Variants in ROBO2 observed in about 807,000 individuals in gnomAD.
ROBO2 encodes the protein roundabout homolog 2.
Under a neutral mutation model 160.8 loss-of-function variants are expected in ROBO2, and 53 were observed. The ratio of observed to expected loss-of-function variants is 0.33; its 90% CI spans 0.26 to 0.41. ROBO2 has a LOEUF of 0.41. Ranked by LOEUF, ROBO2 falls within the 10% of genes least tolerant of loss-of-function variation. ROBO2 has a pLI of 1.00. For synonymous variants in ROBO2, 664 were observed against 611.7 expected (o/e 1.09, Z -1.26); for missense variants, 1,577 against 1,722.4 (o/e 0.92, Z 1.49).
chr3:76,605,756 T>C (rs2087600842), intron 2 of ROBO2, among the ~76,000 whole-genome samples: 1 of 152,160 alleles, frequency 6.6e-6, no homozygotes. Flanking sequence ...GTAGTTATGC[T>C]CAAGTATTTA....
intron 22 of ROBO2, among the ~76,000 whole-genome samples, chr3:77,619,174 T>C (rs1402938206): frequency 1.3e-5 from 2 of 152,216 alleles, no homozygotes; most frequent in Non-Finnish European, 2.9e-5. Context: ...TGCATGACTT[T>C]GGGCAACTTG....
intron 2 of ROBO2, among the ~76,000 whole-genome samples, chr3:76,017,418 G>T (rs2066434470): frequency 6.6e-6 from 1 of 152,102 alleles, no homozygotes; most frequent in Admixed American, 6.6e-5. Flanking sequence ...TTTTCAATGT[G>T]TCCTGATTTG....
At chr3:75,906,907 A>C (rs13073919) in exon 1 of ROBO2, 19,968 of 152,332 alleles carry the variant, frequency 0.13, 1,762 homozygotes, top group Non-Finnish European at 0.2. Flanking sequence ...GGAGCTTCCC[A>C]GGGCTGCTTC....
At chr3:77,019,934 G>C (rs2062521731) in intron 2 of ROBO2, among the ~76,000 whole-genome samples, 1 of 152,246 alleles carries the variant, frequency 6.6e-6, no homozygotes, top group East Asian at 1.9e-4. Context: ...TGGTCGACTT[G>C]GTTATGGGGC....
intron 2 of ROBO2, among the ~76,000 whole-genome samples, chr3:76,735,843 C>T (rs1374483887): frequency 6.6e-6 from 1 of 150,866 alleles, no homozygotes; most frequent in Non-Finnish European, 1.5e-5. Context: ...GTACTATGCT[C>T]ACTGTCTTGG....
chr3:76,447,596 T>C (rs1318378994), intron 2 of ROBO2, among the ~76,000 whole-genome samples: 7 of 150,302 alleles, frequency 4.7e-5, no homozygotes, highest in Admixed American at 4.0e-4. Flanking sequence ...GGCACACGTA[T>C]GTATATTGCG....
intron 2 of ROBO2, among the ~76,000 whole-genome samples, chr3:76,956,779 T>C (rs1463613959): frequency 6.6e-6 from 1 of 151,846 alleles, no homozygotes; most frequent in East Asian, 1.9e-4. Flanking sequence ...AAAATACAAA[T>C]CCCAGGGCCC....
chr3:77,079,365 A>G (rs2068377276), intron 1 of ROBO2, among the ~76,000 whole-genome samples: 1 of 152,238 alleles, frequency 6.6e-6, no homozygotes, highest in African/African-American at 2.4e-5. Context: ...CTTCATTCCA[A>G]GATAGACTAC....
At chr3:77,581,141 A>G (rs2153677137) in intron 16 of ROBO2, among the ~76,000 whole-genome samples, 1 of 152,274 alleles carries the variant, frequency 6.6e-6, no homozygotes, top group African/African-American at 2.4e-5. Flanking sequence ...TTGTGAATTG[A>G]CCACATGTTT....
At chr3:77,398,074 A>G (rs527967765) in intron 2 of ROBO2, among the ~76,000 whole-genome samples, 1 of 152,280 alleles carries the variant, frequency 6.6e-6, no homozygotes, top group Non-Finnish European at 1.5e-5. Context: ...GAATGTATGT[A>G]TTATATTTTA....
chr3:77,288,754 GA>G (rs1036637144), intron 2 of ROBO2, among the ~76,000 whole-genome samples: 4 of 151,452 alleles, frequency 2.6e-5, no homozygotes, highest in Non-Finnish European at 4.4e-5. Context: ...ATGTACTGGG[GA>G]AAAAAAAGGA....
At chr3:76,410,105 G>C (rs370785864) in intron 2 of ROBO2, among the ~76,000 whole-genome samples, 2 of 151,716 alleles carry the variant, frequency 1.3e-5, no homozygotes, top group Non-Finnish European at 2.9e-5. Context: ...TTTTTTCTTG[G>C]GCTGCTTTGT....
intron 2 of ROBO2, among the ~76,000 whole-genome samples, chr3:76,464,783 T>G (rs1257586255): frequency 6.6e-6 from 1 of 152,178 alleles, no homozygotes. Flanking sequence ...TAAGGAATGA[T>G]GTACACATTC....
At chr3:77,439,302 T>C (rs571048017) in intron 2 of ROBO2, among the ~76,000 whole-genome samples, 1 of 152,180 alleles carries the variant, frequency 6.6e-6, no homozygotes, top group African/African-American at 2.4e-5. Flanking sequence ...ATCTGCTTTA[T>C]CAACTTTGCT....
intron 2 of ROBO2, among the ~76,000 whole-genome samples, chr3:77,340,642 C>T (rs980260605): frequency 3.3e-5 from 5 of 152,034 alleles, no homozygotes; most frequent in African/African-American, 7.2e-5. Context: ...TTGAGTTGTA[C>T]GTATTCATAG....
upstream of ROBO2, among the ~76,000 whole-genome samples, chr3:77,035,310 A>G (rs1341446620): frequency 5.9e-5 from 9 of 151,920 alleles, no homozygotes; most frequent in Non-Finnish European, 1.3e-4. Flanking sequence ...TAAAATTCAA[A>G]ATTTTAAGGT....
rs180903181 is a variant in ROBO2, at chr3:77,522,730, G to A, written c.807-45G>A. 4.7e-5 allele frequency: 75 copies of A among 1,579,252 alleles called. 1 individual carries two copies. Among genetic ancestry groups the A allele is most frequent in the South Asian group, 1.3e-4 (12 of 89,866 alleles). On this transcript the variant is annotated intron_variant, in intron 5 of 25. Coordinates refer to ENST00000461745, the Ensembl canonical transcript of ROBO2. ...AGATGAATACTTAATGTTATTATCCGTATAGCTACTACTATTTAATAAAAC... is the reference window on the plus strand; with the variant it reads ...AGATGAATACTTAATGTTATTATCCATATAGCTACTACTATTTAATAAAAC...
At chr3:76,033,284 T>A (rs993490617) in intron 2 of ROBO2, among the ~76,000 whole-genome samples, 6 of 145,378 alleles carry the variant, frequency 4.1e-5, no homozygotes, top group African/African-American at 5.4e-5. Context: ...CTAATGTAGC[T>A]GTGACACATA....
At position 76,372,501 on chromosome 3, in the gene ROBO2, A is replaced by G. The variant is rs530957584; in HGVS notation, c.109+434899A>G. Among the ~76,000 whole-genome samples the G allele has an allele frequency of 4.6e-5, 7 of 152,008 alleles. No homozygotes were observed. The East Asian group carries it at 1.4e-3, about 30-fold the overall frequency. On this transcript the variant is annotated intron_variant, in intron 2 of 26. Transcript: ENST00000487694. ...TATGGTAAAATATTTGACGTCTCCA[A>G]CTCCCAAACTGTACCTTAACCATGG...
Sources: gnomAD v4.1 joint callset for allele counts (sites outside exome capture counted in the v4.1 genomes callset) on GRCh38, gnomAD v4.1.1 for gene constraint, MANE v1.5 for transcripts, NCBI Gene and HGNC (gene_info 2026-07-23, HGNC 2026-07-21) for gene names.